Variants in SLC2A13 observed in about 807,000 individuals in gnomAD.
The protein encoded by SLC2A13 is proton myo-inositol cotransporter.
Under a neutral mutation model 64.4 loss-of-function variants are expected in SLC2A13, and 32 were observed. That is an observed-to-expected ratio of 0.50 (90% CI 0.37 to 0.67). SLC2A13 has a LOEUF of 0.67. SLC2A13 is among the 30% of genes least tolerant of loss of function. The pLI is 0.00. For synonymous variants in SLC2A13, 338 were observed against 327.1 expected (o/e 1.03, Z -0.36); for missense variants, 743 against 829.2 (o/e 0.90, Z 1.28).
intron 7 of SLC2A13, among the ~76,000 whole-genome samples, chr12:39,802,937 G>T (rs968807950): frequency 1.3e-5 from 2 of 152,090 alleles, no homozygotes; most frequent in Non-Finnish European, 2.9e-5. Context: ...TCTGGGAAGG[G>T]CAACTCAGTG....
intron 3 of SLC2A13, among the ~76,000 whole-genome samples, chr12:40,003,942 G>A (rs973287737): frequency 6.6e-6 from 1 of 151,558 alleles, no homozygotes; most frequent in Non-Finnish European, 1.5e-5. Context: ...GCAGTGAGCC[G>A]AGAGTGCGCC....
At chr12:39,815,964 A>G (rs1397501129) in intron 7 of SLC2A13, among the ~76,000 whole-genome samples, 1 of 152,172 alleles carries the variant, frequency 6.6e-6, no homozygotes, top group Non-Finnish European at 1.5e-5. Context: ...CTGAGTATAC[A>G]TTTTGTTCAA....
intron 3 of SLC2A13, among the ~76,000 whole-genome samples, chr12:39,975,319 T>C (rs1242641619): frequency 6.6e-6 from 1 of 152,174 alleles, no homozygotes; most frequent in Non-Finnish European, 1.5e-5. Flanking sequence ...GTGAAAAAAA[T>C]TTATCTTCCC....
At chr12:39,902,875 C>A (rs1945169618) in intron 4 of SLC2A13, among the ~76,000 whole-genome samples, 2 of 152,112 alleles carry the variant, frequency 1.3e-5, no homozygotes, top group South Asian at 4.1e-4. Context: ...GAAATAAATT[C>A]TCTTAAGAAG....
At chr12:40,096,918 A>G (rs1251527258) in intron 1 of SLC2A13, among the ~76,000 whole-genome samples, 1 of 152,180 alleles carries the variant, frequency 6.6e-6, no homozygotes, top group African/African-American at 2.4e-5. Context: ...TATAGTGACC[A>G]TATTTCGCTT....
At chr12:40,080,580 C>CG (rs1025355311) in intron 1 of SLC2A13, among the ~76,000 whole-genome samples, 1 of 151,972 alleles carries the variant, frequency 6.6e-6, no homozygotes, top group African/African-American at 2.4e-5. Flanking sequence ...TTGGTAGAGA[C>CG]GGGGTTTCAT....
intron 1 of SLC2A13, among the ~76,000 whole-genome samples, chr12:40,088,228 A>G (rs1233116871): frequency 6.6e-6 from 1 of 152,212 alleles, no homozygotes; most frequent in African/African-American, 2.4e-5. Flanking sequence ...CTCACTCAAA[A>G]GAAGAAAAAA....
intron 2 of SLC2A13, among the ~76,000 whole-genome samples, chr12:40,042,506 C>A (rs1408247441): frequency 1.3e-5 from 2 of 152,044 alleles, no homozygotes; most frequent in Non-Finnish European, 2.9e-5. Flanking sequence ...TTTGTACCTG[C>A]AGAAACACAT....
intron 6 of SLC2A13, among the ~76,000 whole-genome samples, chr12:39,838,441 T>C (rs895974547): frequency 6.8e-6 from 1 of 147,240 alleles, no homozygotes; most frequent in Non-Finnish European, 1.5e-5. Flanking sequence ...TGTATACATA[T>C]GTAACTAACC....
chr12:39,776,305 C>T (rs536331459), intron 7 of SLC2A13, among the ~76,000 whole-genome samples: 13 of 152,170 alleles, frequency 8.5e-5, no homozygotes, highest in Admixed American at 7.2e-4. Context: ...GTGGGGCCCA[C>T]CTCTGCCGAC....
rs557938696 is a variant in SLC2A13, at chr12:40,057,603, G to C, written c.557-9393C>G. 2.6e-5 allele frequency among the ~76,000 whole-genome samples: 4 copies of C among 152,202 alleles called. No individual in the cohort carries two copies. The East Asian group carries it at 7.7e-4, about 29-fold the overall frequency. The stretch of plus-strand genomic sequence containing the variant: ...CGTTTCCTTAACCATTTTTCCAGTG[G>C]TTCTATTTTCTTAGTTCTAAGTAAC... On this transcript the variant is annotated intron_variant, in intron 1 of 9. Transcript: ENST00000280871.
intron 7 of SLC2A13, among the ~76,000 whole-genome samples, chr12:39,823,084 G>T (rs1212586247): frequency 6.6e-6 from 1 of 152,130 alleles, no homozygotes; most frequent in African/African-American, 2.4e-5. Flanking sequence ...TTATTTATGG[G>T]TAGATGAAAC....
At chr12:40,006,482 G>T (rs1947420760) in intron 3 of SLC2A13, among the ~76,000 whole-genome samples, 1 of 152,068 alleles carries the variant, frequency 6.6e-6, no homozygotes, top group South Asian at 2.1e-4. Context: ...ACCATAACTG[G>T]CACATAGTTT....
At chr12:40,017,043 C>A (rs749702000) in intron 3 of SLC2A13, among the ~76,000 whole-genome samples, 7 of 152,166 alleles carry the variant, frequency 4.6e-5, no homozygotes, top group Non-Finnish European at 7.4e-5. Flanking sequence ...AACCACACCT[C>A]CCCAGGGTCT....
chr12:39,924,897 G>C (rs1945692230), intron 4 of SLC2A13, among the ~76,000 whole-genome samples: 1 of 151,542 alleles, frequency 6.6e-6, no homozygotes, highest in Non-Finnish European at 1.5e-5. Flanking sequence ...GTAATACATT[G>C]TAAAAAATCT....
Position 39,968,760 on chromosome 12 carries a change from G to GTTTATATATATA in SLC2A13, c.926-17396_926-17395insTATATATATAAA, listed in dbSNP as rs1555144118. On this transcript the variant is annotated intron_variant, in intron 3 of 9. Coordinates refer to ENST00000280871, the MANE Select transcript of SLC2A13 (RefSeq NM_052885.4). ...TTTTTATTTTTGTTGTTTTTTTTTG[G>GTTTATATATATA]TATATATATATATATATATATATAT... 1.4e-3 allele frequency among the ~76,000 whole-genome samples: 81 copies of GTTTATATATATA among 59,838 alleles called. 5 individuals carry two copies. Among genetic ancestry groups the GTTTATATATATA allele is most frequent in the Non-Finnish European group, 2.4e-3 (53 of 21,996 alleles). The allele number at this position is 59,838 out of a possible 152,430, so 39.3% of individuals were successfully genotyped here.
chr12:40,021,961 T>C (rs1947726943), intron 3 of SLC2A13, among the ~76,000 whole-genome samples: 1 of 151,914 alleles, frequency 6.6e-6, no homozygotes, highest in South Asian at 2.1e-4. Flanking sequence ...AGGGCCACAG[T>C]CAATATCAAT....
intron 2 of SLC2A13, among the ~76,000 whole-genome samples, chr12:40,043,736 A>G (rs1383712798): frequency 8.3e-6 from 1 of 120,046 alleles, no homozygotes; most frequent in Admixed American, 9.4e-5. Flanking sequence ...TATATTAGGA[A>G]AAAAAAAAGT....
intron 3 of SLC2A13, among the ~76,000 whole-genome samples, chr12:39,956,706 T>G (rs1354945639): frequency 1.3e-5 from 2 of 152,202 alleles, no homozygotes; most frequent in Non-Finnish European, 2.9e-5. Flanking sequence ...GAAGCCCCCT[T>G]AACACCTCTT....
Sources: allele counts gnomAD v4.1 joint callset (sites outside exome capture counted in the v4.1 genomes callset), GRCh38; gene constraint gnomAD v4.1.1; transcripts MANE v1.5; gene names NCBI Gene and HGNC (gene_info 2026-07-23, HGNC 2026-07-21).